Variants in SETD2 observed in about 807,000 individuals in gnomAD.
SETD2 encodes histone-lysine N-methyltransferase SETD2.
In SETD2, 31 loss-of-function variants were observed where a neutral mutation model predicts 242.1. The ratio of observed to expected loss-of-function variants is 0.13; its 90% CI spans 0.10 to 0.17. The LOEUF (loss-of-function observed/expected upper bound fraction) is 0.17, where lower values mean the gene tolerates loss of function less well. Among genes scored for constraint, SETD2 ranks in the 10% least tolerant of loss-of-function variants. The pLI is 1.00. For missense variants in SETD2, 2,481 were observed against 3,046.3 expected, an observed-to-expected ratio of 0.81 and a Z score of 4.37; for synonymous variants, 1,006 against 1,066.5, an observed-to-expected ratio of 0.94 and a Z score of 1.11.
intron 15 of SETD2, among the ~76,000 whole-genome samples, chr3:47,056,062 TAAAAAAAA>T (rs1188750643): frequency 6.9e-5 from 7 of 101,110 alleles, no homozygotes; most frequent in African/African-American, 2.1e-4. Flanking sequence ...TTGTATAATC[TAAAAAAAA>T]AAAAAAAGAA....
intron 15 of SETD2, among the ~76,000 whole-genome samples, chr3:47,056,100 TTA>T (rs2040067431): frequency 6.7e-5 from 6 of 90,066 alleles, no homozygotes; most frequent in South Asian, 3.5e-4. Flanking sequence ...TGATTTTTAT[TTA>T]TTTATTTATT....
At chr3:47,075,503 G>A (rs1046133190) in intron 12 of SETD2, among the ~76,000 whole-genome samples, 1 of 148,600 alleles carries the variant, frequency 6.7e-6, no homozygotes, top group Non-Finnish European at 1.5e-5. Context: ...GGCAGAGGTT[G>A]TGGTGAGCCA....
intron 1 of SETD2, among the ~76,000 whole-genome samples, chr3:47,146,319 C>T (rs2043849922): frequency 6.6e-6 from 1 of 152,030 alleles, no homozygotes; most frequent in Non-Finnish European, 1.5e-5. Flanking sequence ...AAAAAGAGAA[C>T]GAGTGTCTAT....
intron 12 of SETD2, chr3:47,080,754 G>A: frequency 1.0e-6 from 1 of 969,340 alleles, no homozygotes. Context: ...GCCTTGTGGA[G>A]TCAAGGCAGT....
chr3:47,097,819 C>T (rs2042065741), intron 9 of SETD2, 136 bp downstream of exon 9: 1 of 770,228 alleles, frequency 1.3e-6, no homozygotes, highest in Non-Finnish European at 2.1e-6. Context: ...GCAATTGCAT[C>T]TCTTTTCTGG....
At position 47,120,172 on chromosome 3, in the gene SETD2, T is replaced by C. The variant is rs1440372656; in HGVS notation, c.4454+10A>G. 12 of 1,509,822 alleles carry C rather than the reference T, an allele frequency of 7.9e-6. No individual in the cohort carries two copies. The highest frequency in any genetic ancestry group is 1.1e-5 in the Non-Finnish European group (12 of 1,125,056). 93.5% of individuals were successfully genotyped at this position (1,509,822 alleles called of 1,614,324 possible). A position where few individuals can be genotyped will look rare whatever the true frequency, so the allele number is the denominator to read the frequency against. On this transcript the variant is annotated intron_variant, in intron 3 of 20. Coordinates refer to ENST00000409792, the MANE Select transcript of SETD2 (RefSeq NM_014159.7). ...TTAAAATTTGTCAAACAAGTATTAA[T>C]TAGACTTACCTTTCTGTTAAATAAA...
intron 12 of SETD2, among the ~76,000 whole-genome samples, chr3:47,078,319 C>T (rs1398951629): frequency 6.6e-6 from 1 of 151,970 alleles, no homozygotes; most frequent in Non-Finnish European, 1.5e-5. Flanking sequence ...ATATTCCTGA[C>T]CAAAAAAATG....
At chr3:47,056,063 A>T (rs1293763328) in intron 15 of SETD2, among the ~76,000 whole-genome samples, 1 of 108,022 alleles carries the variant, frequency 9.3e-6, no homozygotes, top group Non-Finnish European at 1.9e-5. Context: ...TGTATAATCT[A>T]AAAAAAAAAA....
chr3:47,018,849 A>T (rs1232318273), intron 19 of SETD2, among the ~76,000 whole-genome samples: 1 of 152,212 alleles, frequency 6.6e-6, no homozygotes, highest in Non-Finnish European at 1.5e-5. Flanking sequence ...ACTCCCTGGA[A>T]GGGAAGATGC....
At chr3:47,127,590 G>A (rs749848407) in intron 1 of SETD2, 43 of 451,014 alleles carry the variant, frequency 9.5e-5, no homozygotes, top group Middle Eastern at 6.8e-4. Context: ...GGCCAGGTGC[G>A]GTGGCTCACG....
chr3:47,149,087 T>A (rs934065818), intron 1 of SETD2, among the ~76,000 whole-genome samples: 3 of 152,276 alleles, frequency 2.0e-5, no homozygotes, highest in Non-Finnish European at 2.9e-5. Flanking sequence ...AATTGAACAA[T>A]TATAAGTACA....
intron 15 of SETD2, among the ~76,000 whole-genome samples, chr3:47,051,804 T>C (rs1165132881): frequency 3.3e-5 from 5 of 152,060 alleles, no homozygotes; most frequent in Non-Finnish European, 5.9e-5. Flanking sequence ...AAATGTACAA[T>C]AGAAAACTGC....
intron 12 of SETD2, among the ~76,000 whole-genome samples, chr3:47,070,679 A>G (rs1000155001): frequency 1.3e-5 from 2 of 152,236 alleles, no homozygotes; most frequent in South Asian, 2.1e-4. Context: ...AATTGGCTTC[A>G]TTCATGTTAA....
chr3:47,121,804 A>G lies in SETD2; in HGVS notation c.2832T>C (p.Ala944=), dbSNP rs1429776306. 5 of 1,614,124 alleles carry G rather than the reference A, an allele frequency of 3.1e-6. No individual in the cohort carries two copies. The highest frequency in any genetic ancestry group is 1.1e-5 in the South Asian group (1 of 91,080). ...CATTATTACGCCTGTTCTCCCTGGA[A>G]GCAAATCCCTTTCCTGAATCAGGAA... The part of the protein sequence containing the change: ...SDLPDSGKGF[A]SRENRRNNGL... Residue 944 remains alanine (A), a synonymous_variant, in exon 3 of 21, where the codon GCT becomes GCC. Transcript: ENST00000409792.
intron 13 of SETD2, among the ~76,000 whole-genome samples, chr3:47,063,276 C>A (rs1394678899): frequency 6.6e-6 from 1 of 152,118 alleles, no homozygotes; most frequent in Non-Finnish European, 1.5e-5. Flanking sequence ...CAGGTGATAA[C>A]TTTGGAAGTC....
Position 47,120,608 on chromosome 3 carries a change from T to C in SETD2, c.4028A>G (p.Gln1343Arg). 6.2e-7 allele frequency: 1 copy of C among 1,613,962 alleles called. No homozygotes were observed. The highest frequency in any genetic ancestry group is 8.5e-7 in the Non-Finnish European group (1 of 1,179,866). Reference sequence around the variant, plus strand: ...GTCTGAAAAATGGGATCCATCCTGTTGATCCCAATTCTCCTCTTCTTCACG... The same window carrying C: ...GTCTGAAAAATGGGATCCATCCTGTCGATCCCAATTCTCCTCTTCTTCACG... ...DDREEEENWD[Q>R]QDGSHFSDQS... The change falls in exon 3 of 21, where the codon CAA becomes CGA. Residue 1343 changes from glutamine (Q) to arginine (R), a missense_variant. Around this residue, in one of 17 missense-constraint regions of SETD2, gnomAD observed 1,300 missense variants for 1,259.2 expected, o/e 1.03. Coordinates refer to ENST00000409792, the MANE Select transcript of SETD2 (RefSeq NM_014159.7).
In SETD2 at chr3:47,077,378, C is replaced by T. The variant is rs530163616; in HGVS notation, c.6060+6342G>A. Among the ~76,000 whole-genome samples, 16 of 152,218 alleles carry T rather than the reference C, an allele frequency of 1.1e-4. No individual in the cohort carries two copies. The South Asian group carries it at 3.1e-3, about 30-fold the overall frequency. On this transcript the variant is annotated intron_variant, in intron 12 of 20. Transcript: ENST00000409792. The stretch of plus-strand genomic sequence containing the variant: ...GATTACAAGTGTGAGCCACCACGCC[C>T]GGCCTGCTGTGCCCTATTTAACATG...
intron 18 of SETD2, among the ~76,000 whole-genome samples, chr3:47,022,322 C>T (rs1480736406): frequency 6.6e-6 from 1 of 150,474 alleles, no homozygotes; most frequent in Non-Finnish European, 1.5e-5. Flanking sequence ...CCCAGGAATT[C>T]GAGACCAGCA....
At chr3:47,100,989 G>A (rs555395741) in intron 8 of SETD2, among the ~76,000 whole-genome samples, 3 of 111,726 alleles carry the variant, frequency 2.7e-5, no homozygotes, top group African/African-American at 1.1e-4. Flanking sequence ...TAGCCTGGGC[G>A]ACAGAGCAAG....
Sources: gnomAD v4.1 joint callset for allele counts (sites outside exome capture counted in the v4.1 genomes callset) on GRCh38, gnomAD v4.1.1 for gene constraint, gnomAD v4.1.1 regional missense constraint, MANE v1.5 for transcripts, NCBI Gene and HGNC (gene_info 2026-07-23, HGNC 2026-07-21) for gene names.